DGKB: variants seen among roughly 807,000 people sequenced by gnomAD.
DGKB encodes the protein 90 kDa diacylglycerol kinase.
In DGKB, 67 loss-of-function variants were observed where a neutral mutation model predicts 114.3. That is an observed-to-expected ratio of 0.59 (90% CI 0.48 to 0.72). DGKB has a LOEUF of 0.72. DGKB is among the 30% of genes least tolerant of loss of function. The pLI, the probability that DGKB is intolerant of heterozygous loss-of-function variation, is 0.00. For synonymous variants in DGKB, 398 were observed against 323.1 expected (o/e 1.23, Z -2.49); for missense variants, 907 against 975.2 (o/e 0.93, Z 0.93).
intron 13 of DGKB, among the ~76,000 whole-genome samples, chr7:14,656,060 G>A (rs893748453): frequency 1.3e-5 from 2 of 151,550 alleles, no homozygotes; most frequent in African/African-American, 4.8e-5. Flanking sequence ...AATGATAAAT[G>A]TTTTAGGTGA....
chr7:14,213,400 G>A (rs531668981), intron 23 of DGKB, among the ~76,000 whole-genome samples: 1 of 152,188 alleles, frequency 6.6e-6, no homozygotes, highest in Non-Finnish European at 1.5e-5. Flanking sequence ...AAGTGGTACT[G>A]GGAGAAAATT....
At chr7:14,600,247 A>G (rs1803302117) in intron 17 of DGKB, among the ~76,000 whole-genome samples, 1 of 152,152 alleles carries the variant, frequency 6.6e-6, no homozygotes, top group Non-Finnish European at 1.5e-5. Context: ...CATTGATCCA[A>G]CTCATGAGGG....
chr7:14,854,186 A>T (rs1849791563), intron 1 of DGKB, among the ~76,000 whole-genome samples: 1 of 152,194 alleles, frequency 6.6e-6, no homozygotes, highest in South Asian at 2.1e-4. Context: ...ATACACTCTG[A>T]ACTGATTAGC....
Position 14,323,569 on chromosome 7 carries a change from G to T in DGKB, c.2122+14946C>A, listed in dbSNP as rs563453874. On this transcript the variant is annotated intron_variant, in intron 23 of 25. Coordinates refer to ENST00000402815, the MANE Select transcript of DGKB (RefSeq NM_001350709.2). Reference sequence around the variant, plus strand: ...AACAATGACCTGTTTTCAGTGACCTGAAAGAAGCAAGTGAGAAGCCATGCG... The same window carrying T: ...AACAATGACCTGTTTTCAGTGACCTTAAAGAAGCAAGTGAGAAGCCATGCG... Among the ~76,000 whole-genome samples the T allele has an allele frequency of 2.0e-5, 3 of 152,264 alleles. No homozygotes were observed. The South Asian group carries it at 6.2e-4, about 32-fold the overall frequency.
At chr7:14,739,663 C>A (rs1015126953) in intron 4 of DGKB, among the ~76,000 whole-genome samples, 6 of 152,012 alleles carry the variant, frequency 3.9e-5, no homozygotes, top group Admixed American at 1.3e-4. Context: ...GAGTAAAATG[C>A]GAACCCAAGA....
intron 22 of DGKB, among the ~76,000 whole-genome samples, chr7:14,339,758 G>A (rs929112033): frequency 1.1e-4 from 17 of 151,708 alleles, no homozygotes; most frequent in Non-Finnish European, 1.9e-4. Flanking sequence ...AGATATAAGC[G>A]CTTTGTTTTT....
intron 12 of DGKB, among the ~76,000 whole-genome samples, chr7:14,679,498 C>A (rs1183807916): frequency 1.3e-5 from 2 of 152,092 alleles, no homozygotes; most frequent in Non-Finnish European, 2.9e-5. Flanking sequence ...TTCCAAAAGT[C>A]ATATATAAAA....
rs1554404748 is a variant in DGKB at position 14,392,995 on chromosome 7, G to GTTTTTTTTTTTTTTTTT, written c.1836-47605_1836-47604insAAAAAAAAAAAAAAAAA. The stretch of plus-strand genomic sequence containing the variant: ...CAAAACAGACCTGTTTTTTGTTTTT[G>GTTTTTTTTTTTTTTTTT]TTTTTTTTTTTTTGAGACGGAGTCT... On this transcript the variant is annotated intron_variant, in intron 21 of 25. Coordinates refer to ENST00000402815, the MANE Select transcript of DGKB (RefSeq NM_001350709.2). Among the ~76,000 whole-genome samples, 374 of 60,510 alleles carry GTTTTTTTTTTTTTTTTT rather than the reference G, an allele frequency of 6.2e-3. 10 individuals are homozygous for GTTTTTTTTTTTTTTTTT. Among genetic ancestry groups the GTTTTTTTTTTTTTTTTT allele is most frequent in the Middle Eastern group, 0.016 (1 of 64 alleles). The allele number at this position is 60,510 out of a possible 152,430, so 39.7% of individuals were successfully genotyped here. A position where few individuals can be genotyped will look rare whatever the true frequency, so the allele number is the denominator to read the frequency against.
At chr7:14,259,397 CTCTCTCTCTCTATATA>C (rs751450537) in intron 23 of DGKB, among the ~76,000 whole-genome samples, 3 of 98,488 alleles carry the variant, frequency 3.0e-5, no homozygotes, top group South Asian at 3.0e-4. Flanking sequence ...CTCTCTCTCT[CTCTCTCTCTCTATATA>C]TATATATATA....
At chr7:14,149,266 GAA>G (rs1222776633) in intron 25 of DGKB, 28 bp from the exon 26 acceptor site, 4 of 1,446,056 alleles carry the variant, frequency 2.8e-6, no homozygotes, top group Non-Finnish European at 3.9e-6. Context: ...GAGAGAGAGA[GAA>G]AGAATAGAGT....
rs900527672 is a variant in DGKB at position 14,947,817 on chromosome 7, C to T, written c.-188+26879G>A. Among the ~76,000 whole-genome samples the T allele has an allele frequency of 5.9e-5, 9 of 151,628 alleles. No individual in the cohort carries two copies. In the South Asian group the frequency reaches 8.3e-4, roughly 14 times the overall value. ...ACACGTTCCATAATTCCAACATATC[C>T]GTTATCATTCGTCTACTACTTTCAT... On this transcript the variant is annotated intron_variant, in intron 1 of 4. Transcript: ENST00000437998.
At chr7:14,203,583 G>A (rs1786259113) in intron 23 of DGKB, among the ~76,000 whole-genome samples, 6 of 151,980 alleles carry the variant, frequency 3.9e-5, no homozygotes, top group Admixed American at 3.9e-4. Context: ...GTGCATGCAT[G>A]CAGTTTTGCA....
chr7:14,759,413 T>C (rs1835368724), intron 2 of DGKB, among the ~76,000 whole-genome samples: 1 of 152,184 alleles, frequency 6.6e-6, no homozygotes, highest in Admixed American at 6.5e-5. Flanking sequence ...TCACTCCCTG[T>C]ATTTTCTCCC....
chr7:14,484,636 C>A (rs1434671113), intron 20 of DGKB, among the ~76,000 whole-genome samples: 1 of 152,178 alleles, frequency 6.6e-6, no homozygotes, highest in Non-Finnish European at 1.5e-5. Context: ...GTCTGCAGAA[C>A]CTTGAGCCAA....
chr7:14,419,262 T>C (rs945542443), intron 21 of DGKB, among the ~76,000 whole-genome samples: 36 of 151,974 alleles, frequency 2.4e-4, no homozygotes, highest in African/African-American at 8.4e-4. Context: ...AATTCAACTG[T>C]TAATATGATA....
intron 23 of DGKB, among the ~76,000 whole-genome samples, chr7:14,257,187 T>C (rs975374772): frequency 6.6e-6 from 1 of 152,104 alleles, no homozygotes; most frequent in Admixed American, 6.5e-5. Context: ...ATAAAAAAAT[T>C]TATTCTGTTA....
chr7:14,471,088 T>C (rs1781219360), intron 21 of DGKB, among the ~76,000 whole-genome samples: 1 of 150,824 alleles, frequency 6.6e-6, no homozygotes, highest in African/African-American at 2.4e-5. Context: ...TGTGGGCTTT[T>C]CTTTGTCTCT....
intron 21 of DGKB, among the ~76,000 whole-genome samples, chr7:14,369,125 G>T (rs189293450): frequency 6.6e-6 from 1 of 151,810 alleles, no homozygotes; most frequent in African/African-American, 2.4e-5. Context: ...CTGTGTCCAT[G>T]TATTCTCATT....
intron 20 of DGKB, among the ~76,000 whole-genome samples, chr7:14,538,959 G>C (rs1423710460): frequency 6.6e-6 from 1 of 152,082 alleles, no homozygotes; most frequent in Non-Finnish European, 1.5e-5. Flanking sequence ...TAAAATGGTA[G>C]TTACCAAGCA....
Sources: allele counts gnomAD v4.1 joint callset (sites outside exome capture counted in the v4.1 genomes callset), GRCh38; gene constraint gnomAD v4.1.1; transcripts MANE v1.5; gene names NCBI Gene and HGNC (gene_info 2026-07-23, HGNC 2026-07-21).